Variants in DOCK9 observed in about 807,000 individuals in gnomAD.
DOCK9 encodes dedicator of cytokinesis 9.
A neutral mutation model predicts 263.3 loss-of-function variants in DOCK9; 89 were observed. That is an observed-to-expected ratio of 0.34 (90% CI 0.28 to 0.40). The LOEUF is 0.40. DOCK9 is among the 10% of genes least tolerant of loss of function. The pLI, the probability that DOCK9 is intolerant of heterozygous loss-of-function variation, is 1.00. For missense variants in DOCK9, 2,140 were observed against 2,603.4 expected, an observed-to-expected ratio of 0.82 and a Z score of 3.87; for synonymous variants, 976 against 973.1, an observed-to-expected ratio of 1.00 and a Z score of -0.06.
intron 1 of DOCK9, among the ~76,000 whole-genome samples, chr13:99,029,858 A>G (rs1887145758): frequency 1.3e-5 from 2 of 152,384 alleles, no homozygotes; most frequent in South Asian, 2.1e-4. Context: ...ATTATTCATG[A>G]CAGCCAAAAA....
chr13:98,883,942 A>G, intron 21 of DOCK9, 43 bp from the exon 22 acceptor site: 1 of 1,436,442 alleles, frequency 7.0e-7, no homozygotes, highest in South Asian at 1.2e-5. Flanking sequence ...CAGATTAGTT[A>G]TTTTGGCTCT....
chr13:98,957,744 T>C (rs1223298068), intron 1 of DOCK9, among the ~76,000 whole-genome samples: 1 of 152,210 alleles, frequency 6.6e-6, no homozygotes, highest in Non-Finnish European at 1.5e-5. Context: ...ACATTTTCCC[T>C]AGGAACCGTA....
intron 12 of DOCK9, 46 bp downstream of exon 12, chr13:98,902,241 TG>T (rs1338987216): frequency 6.3e-7 from 1 of 1,598,040 alleles, no homozygotes; most frequent in Non-Finnish European, 8.5e-7. Flanking sequence ...TTAGGTAGCA[TG>T]CAAAGTGAGT....
At chr13:99,027,935 A>T (rs1235538262) in intron 1 of DOCK9, among the ~76,000 whole-genome samples, 1 of 152,238 alleles carries the variant, frequency 6.6e-6, no homozygotes, top group Non-Finnish European at 1.5e-5. Flanking sequence ...TGAAGACAAC[A>T]GTTGTAAGGC....
chr13:98,987,611 C>A (rs1317034169), intron 1 of DOCK9, among the ~76,000 whole-genome samples: 1 of 152,226 alleles, frequency 6.6e-6, no homozygotes, highest in Non-Finnish European at 1.5e-5. Flanking sequence ...GAAGTCAATA[C>A]TTTTTTATTA....
In DOCK9 at chr13:98,974,748, CAAAAAAAAAA is replaced by C. The variant is rs57196019; in HGVS notation, c.126+3026_126+3035del. Among the ~76,000 whole-genome samples the C allele has an allele frequency of 1.5e-4, 5 of 33,216 alleles. No individual in the cohort carries two copies. The East Asian group carries it at 3.7e-3, about 25-fold the overall frequency. The allele number at this position is 33,216 out of a possible 152,430, so 21.8% of individuals were successfully genotyped here. A position where few individuals can be genotyped will look rare whatever the true frequency, so the allele number is the denominator to read the frequency against. On this transcript the variant is annotated intron_variant, in intron 1 of 52. Coordinates refer to ENST00000682017, the MANE Select transcript of DOCK9 (RefSeq NM_001366683.2). ...CTGGGCAACAAGAGCAACTCTGTCT[CAAAAAAAAAA>C]AAAAAAAAAAAAAAAGAACAACTCC...
rs2090554269 is a variant in DOCK9 at position 98,805,179 on chromosome 13, C to A, written c.5545G>T (p.Ala1849Ser). 1.2e-6 allele frequency: 2 copies of A among 1,603,062 alleles called. No individual in the cohort carries two copies. The highest frequency in any genetic ancestry group is 1.7e-6 in the Non-Finnish European group (2 of 1,173,830). ...VNPKDLDSKYAYIQVTHVIPF... is the reference protein window; with the variant it reads ...VNPKDLDSKYSYIQVTHVIPF... ...ATGACGTGAGTCACCTGGATGTATGCATACTTAGAATCCAGATCCTTAGGG... is the reference window on the plus strand; with the variant it reads ...ATGACGTGAGTCACCTGGATGTATGAATACTTAGAATCCAGATCCTTAGGG... Residue 1849 changes from alanine (A) to serine (S), a missense_variant, in exon 49 of 53, where the codon GCA becomes TCA. By Grantham distance (99) the Ala-to-Ser change is moderately conservative (BLOSUM62 1). Transcript: ENST00000682017.
At chr13:98,833,539 G>A (rs771870869) in intron 39 of DOCK9, among the ~76,000 whole-genome samples, 2 of 151,856 alleles carry the variant, frequency 1.3e-5, no homozygotes, top group Non-Finnish European at 1.5e-5. Context: ...CCTCTCTATG[G>A]TCATGGCCTT....
intron 34 of DOCK9, 39 bp downstream of exon 34, chr13:98,855,859 G>A (rs2093694965): frequency 1.2e-6 from 2 of 1,609,808 alleles, no homozygotes; most frequent in African/African-American, 2.7e-5. Context: ...TAAATCCATT[G>A]ATTATAAGAA....
At chr13:99,044,222 TA>T (rs1350338170) in intron 1 of DOCK9, among the ~76,000 whole-genome samples, 1 of 152,204 alleles carries the variant, frequency 6.6e-6, no homozygotes, top group African/African-American at 2.4e-5. Context: ...TTAAGCAAAT[TA>T]ATCTTAAACA....
intron 1 of DOCK9, among the ~76,000 whole-genome samples, chr13:99,038,287 C>CT (rs1555298970): frequency 0.011 from 537 of 48,674 alleles, 16 homozygotes; most frequent in East Asian, 0.035. Flanking sequence ...TTTATGCCCC[C>CT]CTTTTTTTTT....
chr13:98,850,065 T>C lies in DOCK9; in HGVS notation c.3995A>G (p.Asp1332Gly). ...TACTTACTCAGATATTGTAAAAAAA[T>C]CCATAAGTTCAGATGTTGAAGCCTT... The part of the protein sequence containing the change: ...WNKASTSELM[D>G]FFTISEVCLH... The change falls in exon 36 of 53, where the codon GAT becomes GGT. Residue 1332 changes from aspartate to glycine, a missense_variant. Asp to Gly is a moderately conservative substitution (Grantham distance 94). This residue lies in a region of DOCK9 where 1,521 missense variants were observed against 1,741.7 expected (regional missense o/e 0.87). Coordinates refer to ENST00000682017, the MANE Select transcript of DOCK9 (RefSeq NM_001366683.2). 1 of 1,565,772 alleles carries C rather than the reference T, an allele frequency of 6.4e-7. No individual in the cohort carries two copies. Among genetic ancestry groups the C allele is most frequent in the African/African-American group, 1.4e-5 (1 of 73,258 alleles).
chr13:98,860,562 G>A (rs1165411259), intron 32 of DOCK9, 40 bp from the exon 33 acceptor site: 3 of 1,517,168 alleles, frequency 2.0e-6, no homozygotes, highest in Admixed American at 2.0e-5. Flanking sequence ...AAAGATGACT[G>A]GAAAGGATTC....
chr13:98,930,071 T>C, intron 3 of DOCK9, 97 bp downstream of exon 3: 1 of 1,109,132 alleles, frequency 9.0e-7, no homozygotes, highest in South Asian at 1.4e-5. Flanking sequence ...ACAATTACCC[T>C]TTTGACACTT....
chr13:98,827,615 G>A (rs867441646), intron 43 of DOCK9, among the ~76,000 whole-genome samples: 12 of 152,364 alleles, frequency 7.9e-5, no homozygotes, highest in Admixed American at 5.2e-4. Context: ...CCACGTGCAC[G>A]TGTGTCAACG....
rs776553007 is a variant in DOCK9, at chr13:98,881,527, G to A, written c.2745+31C>T. ...GAAGGAAAACTGGAGAGCCACAGAT[G>A]TAAGTGATCAGAACAGTGTGTTTTA... is the stretch of plus-strand genomic sequence containing the variant. On this transcript the variant is annotated intron_variant, in intron 25 of 52. Coordinates refer to ENST00000682017, the MANE Select transcript of DOCK9 (RefSeq NM_001366683.2). 1.3e-5 allele frequency: 21 copies of A among 1,555,760 alleles called. No individual in the cohort carries two copies. The East Asian group carries it at 2.6e-4, about 19-fold the overall frequency.
At chr13:98,995,827 T>G (rs1030133432) in intron 1 of DOCK9, among the ~76,000 whole-genome samples, 2 of 152,038 alleles carry the variant, frequency 1.3e-5, no homozygotes, top group Non-Finnish European at 2.9e-5. Flanking sequence ...AGGAGTGAAT[T>G]CTGAATAGTG....
intron 1 of DOCK9, among the ~76,000 whole-genome samples, chr13:99,002,946 G>A (rs1483280001): frequency 1.5e-5 from 2 of 131,334 alleles, no homozygotes. Context: ...TTGTCATAAG[G>A]ATGGAACAAG....
At chr13:98,913,533 A>G (rs912372485) in intron 9 of DOCK9, among the ~76,000 whole-genome samples, 12 of 152,250 alleles carry the variant, frequency 7.9e-5, no homozygotes, top group African/African-American at 2.9e-4. Flanking sequence ...GTATGTTAGC[A>G]TTTATAAAAC....
Sources: allele counts gnomAD v4.1 joint callset (sites outside exome capture counted in the v4.1 genomes callset), GRCh38; gene constraint gnomAD v4.1.1; regional missense constraint gnomAD v4.1.1; transcripts MANE v1.5; gene names NCBI Gene and HGNC (gene_info 2026-07-23, HGNC 2026-07-21).